SNX7: variants seen among roughly 807,000 people sequenced by gnomAD.
The protein encoded by SNX7 is sorting nexin 7.
SNX7 carries 35 observed loss-of-function variants against 48.4 expected under a neutral mutation model. The ratio of observed to expected loss-of-function variants is 0.72; its 90% CI spans 0.55 to 0.96. The LOEUF is 0.96. Ranked by LOEUF, SNX7 falls within the 40% of genes least tolerant of loss-of-function variation. The pLI is 0.00. For missense variants in SNX7, 553 were observed against 548.9 expected, an observed-to-expected ratio of 1.01 and a Z score of -0.07; for synonymous variants, 190 against 190.2, an observed-to-expected ratio of 1.00 and a Z score of 0.01.
chr1:98,669,791 C>T (rs1310703939), intron 1 of SNX7, among the ~76,000 whole-genome samples: 1 of 152,220 alleles, frequency 6.6e-6, no homozygotes, highest in Non-Finnish European at 1.5e-5. Context: ...CTTCAATCCT[C>T]AGCTGGAATT....
intron 8 of SNX7, among the ~76,000 whole-genome samples, chr1:98,750,124 CATT>C (rs1188305507): frequency 6.6e-6 from 1 of 151,518 alleles, no homozygotes; most frequent in Non-Finnish European, 1.5e-5. Context: ...TAATAAGTAT[CATT>C]ATTATTATTA....
chr1:98,677,534 T>C (rs917812713), intron 1 of SNX7, among the ~76,000 whole-genome samples: 1 of 152,006 alleles, frequency 6.6e-6, no homozygotes, highest in Non-Finnish European at 1.5e-5. Context: ...AAAAGAGTTA[T>C]AAATATGGAA....
At chr1:98,698,162 A>T (rs1195120008) in intron 5 of SNX7, among the ~76,000 whole-genome samples, 1 of 152,198 alleles carries the variant, frequency 6.6e-6, no homozygotes, top group Admixed American at 6.6e-5. Context: ...AGAGATGCTG[A>T]TGGTGGTGGA....
At chr1:98,731,825 T>C (rs1401311357) in intron 7 of SNX7, among the ~76,000 whole-genome samples, 1 of 152,198 alleles carries the variant, frequency 6.6e-6, no homozygotes, top group East Asian at 1.9e-4. Context: ...TGTCATTGAC[T>C]GAAATGTTGT....
chr1:98,714,184 C>G (rs1652466245), intron 7 of SNX7, among the ~76,000 whole-genome samples: 1 of 152,174 alleles, frequency 6.6e-6, no homozygotes, highest in African/African-American at 2.4e-5. Context: ...AGTCACATGG[C>G]TATTCAACTT....
intron 1 of SNX7, among the ~76,000 whole-genome samples, chr1:98,682,466 G>A (rs1295682231): frequency 1.3e-5 from 2 of 152,000 alleles, no homozygotes; most frequent in Non-Finnish European, 2.9e-5. Flanking sequence ...TAGGTACATG[G>A]GAAGTAAGTT....
intron 8 of SNX7, among the ~76,000 whole-genome samples, chr1:98,758,450 T>A (rs556217136): frequency 1.3e-5 from 2 of 152,020 alleles, no homozygotes; most frequent in Non-Finnish European, 2.9e-5. Context: ...GCTATTATTA[T>A]TATATATCTG....
chr1:98,737,405 T>C (rs144406047), intron 7 of SNX7, among the ~76,000 whole-genome samples: 1 of 152,180 alleles, frequency 6.6e-6, no homozygotes, highest in Non-Finnish European at 1.5e-5. Flanking sequence ...CTCTCCCCAG[T>C]ACAGTATAAG....
At chr1:98,744,788 T>C (rs2101044414) in intron 8 of SNX7, among the ~76,000 whole-genome samples, 1 of 152,084 alleles carries the variant, frequency 6.6e-6, no homozygotes, top group South Asian at 2.1e-4. Flanking sequence ...GATGGCTGGG[T>C]ATCTTCTGTT....
Position 98,691,642 on chromosome 1 carries a change from T to G in SNX7, c.582T>G (p.Asp194Glu), listed in dbSNP as rs1651134297. The G allele has an allele frequency of 6.2e-7, 1 of 1,610,776 alleles. No homozygotes were observed. The highest frequency in any genetic ancestry group is 1.3e-5 in the African/African-American group (1 of 74,744). ...ALHKFLNRIA[D>E]HPTLTFNEDF... ...ATAAATTTTTGAACCGAATTGCTGA[T>G]CATCCAACTTTAACATTTAATGAAG... Residue 194 changes from aspartate (D) to glutamate (E), a missense_variant, in exon 4 of 9, where the codon GAT becomes GAG. Transcript: ENST00000306121.
chr1:98,710,766 G>T (rs893114656), intron 7 of SNX7, among the ~76,000 whole-genome samples: 1 of 152,146 alleles, frequency 6.6e-6, no homozygotes, highest in African/African-American at 2.4e-5. Context: ...AATGCTTAGA[G>T]CAGTAACACA....
At chr1:98,750,575 C>T (rs1350653705) in intron 8 of SNX7, among the ~76,000 whole-genome samples, 2 of 152,048 alleles carry the variant, frequency 1.3e-5, no homozygotes, top group South Asian at 4.1e-4. Flanking sequence ...ATTTTATGCT[C>T]ATCAGGTATT....
chr1:98,677,445 G>A (rs1394816927), intron 1 of SNX7: 1 of 152,248 alleles, frequency 6.6e-6, no homozygotes, highest in Non-Finnish European at 1.5e-5. Flanking sequence ...GTGTGGTTGG[G>A]AGATTGGTTA....
intron 2 of SNX7, among the ~76,000 whole-genome samples, chr1:98,687,897 A>G (rs956112430): frequency 8.5e-5 from 13 of 152,148 alleles, no homozygotes; most frequent in Admixed American, 7.9e-4. Context: ...ACCATCAGAT[A>G]TCATGAGCCT....
chr1:98,698,639 C>T, intron 5 of SNX7, 67 bp from the exon 6 acceptor site: 1 of 1,414,936 alleles, frequency 7.1e-7, no homozygotes, highest in South Asian at 1.3e-5. Flanking sequence ...TTCTTACTCT[C>T]TAGGATACAG....
chr1:98,758,097 C>G (rs1654940373), intron 8 of SNX7, among the ~76,000 whole-genome samples: 1 of 152,064 alleles, frequency 6.6e-6, no homozygotes, highest in Non-Finnish European at 1.5e-5. Context: ...AGCATCATCA[C>G]AGTGCCTGGC....
chr1:98,694,718 C>A (rs1024149333), intron 4 of SNX7, among the ~76,000 whole-genome samples: 10 of 147,080 alleles, frequency 6.8e-5, no homozygotes, highest in Admixed American at 2.8e-4. Flanking sequence ...CGCCATTCTC[C>A]TGCCTCAGCC....
intron 1 of SNX7, among the ~76,000 whole-genome samples, chr1:98,681,171 A>G (rs1304525656): frequency 6.6e-6 from 1 of 152,190 alleles, no homozygotes; most frequent in Non-Finnish European, 1.5e-5. Context: ...TTGTGAAGGG[A>G]AACTCCCATT....
At chr1:98,683,825 G>T (rs1650635474) in intron 1 of SNX7, among the ~76,000 whole-genome samples, 1 of 152,166 alleles carries the variant, frequency 6.6e-6, no homozygotes, top group Admixed American at 6.5e-5. Context: ...ATGTCTTTTA[G>T]TCTGGTATGC....
Sources: allele counts gnomAD v4.1 joint callset (sites outside exome capture counted in the v4.1 genomes callset), GRCh38; gene constraint gnomAD v4.1.1; transcripts MANE v1.5; gene names NCBI Gene and HGNC (gene_info 2026-07-23, HGNC 2026-07-21).